The following KCNQ4 variants were observed in gnomAD, a reference collection of about 807,000 sequenced individuals.
KCNQ4 encodes the protein potassium voltage-gated channel subfamily KQT member 4.
In KCNQ4, 31 loss-of-function variants were observed where a neutral mutation model predicts 72.6. That is an observed-to-expected ratio of 0.43 (90% CI 0.32 to 0.58). KCNQ4 has a LOEUF of 0.58. Ranked by LOEUF, KCNQ4 falls within the 20% of genes least tolerant of loss-of-function variation. KCNQ4 has a pLI of 0.08. For missense variants in KCNQ4, 869 were observed against 962.6 expected (o/e 0.90, Z 1.29); for synonymous variants, 405 against 403.7 (o/e 1.00, Z -0.04).
rs563247707 is a variant in KCNQ4 at position 40,820,064 on chromosome 1, G to T, written c.945+79G>T. 18 of 1,536,734 alleles carry T rather than the reference G, an allele frequency of 1.2e-5. No homozygotes were observed. The South Asian group carries it at 1.3e-4, about 12-fold the overall frequency. On this transcript the variant is annotated intron_variant, in intron 6 of 13. Coordinates refer to ENST00000347132, the MANE Select transcript of KCNQ4 (RefSeq NM_004700.4). Reference sequence around the variant, plus strand: ...CCCCTGTCACACATTTGCCTGGGGAGCCTGGGGTACCTCAGAGGGGCAAGG... The same window carrying T: ...CCCCTGTCACACATTTGCCTGGGGATCCTGGGGTACCTCAGAGGGGCAAGG...
chr1:40,834,822 TG>T, intron 11 of KCNQ4, 144 bp from the exon 12 acceptor site: 1 of 1,049,650 alleles, frequency 9.5e-7, no homozygotes, highest in Non-Finnish European at 1.4e-6. Context: ...TAGGGGAGGC[TG>T]GGAGACGCAG....
At chr1:40,825,497 C>T (rs1350892809) in intron 9 of KCNQ4, among the ~76,000 whole-genome samples, 1 of 152,054 alleles carries the variant, frequency 6.6e-6, no homozygotes, top group Non-Finnish European at 1.5e-5. Flanking sequence ...CAGGGAGCAG[C>T]CTCCCTTCCT....
intron 9 of KCNQ4, among the ~76,000 whole-genome samples, chr1:40,829,241 G>C (rs1648567906): frequency 6.6e-6 from 1 of 152,206 alleles, no homozygotes; most frequent in African/African-American, 2.4e-5. Context: ...GCACGGACCG[G>C]GCAGGGTGGA....
At chr1:40,792,603 C>T (rs543356287) in intron 1 of KCNQ4, among the ~76,000 whole-genome samples, 2 of 152,230 alleles carry the variant, frequency 1.3e-5, no homozygotes, top group South Asian at 2.1e-4. Flanking sequence ...CCCTGCTGCC[C>T]GTTCCCTGGG....
chr1:40,811,696 A>G (rs1274390120), intron 1 of KCNQ4, among the ~76,000 whole-genome samples: 1 of 152,162 alleles, frequency 6.6e-6, no homozygotes, highest in Non-Finnish European at 1.5e-5. Flanking sequence ...TTGTGATCAG[A>G]CCAGCTGGGG....
rs553396463 is a variant in KCNQ4, at chr1:40,839,395, C to T, written c.*872C>T. ...AGTGCTTCGTGGACGATCGCACAAA[C>T]ATAGCCTTTTAGTTTCTCCAGACAG... On this transcript the variant is annotated 3_prime_UTR_variant, in exon 14 of 14. Coordinates refer to ENST00000347132, the MANE Select transcript of KCNQ4 (RefSeq NM_004700.4). 6.6e-6 allele frequency: 1 copy of T among 152,490 alleles called. No individual in the cohort carries two copies. Among genetic ancestry groups the T allele is most frequent in the Admixed American group, 6.5e-5 (1 of 15,304 alleles). 9.4% of individuals were successfully genotyped at this position (152,490 alleles called of 1,614,324 possible).
rs1648156729 is a variant in KCNQ4 at position 40,818,188 on chromosome 1, G to C, written c.430G>C (p.Gly144Arg). Reference protein sequence around the residue: ...ILEFVMIVVFGLEYIVRVWSA... With the variant: ...ILEFVMIVVFRLEYIVRVWSA... ...GGAATTCGTGATGATCGTGGTTTTC[G>C]GCTTGGAGTACATCGTCCGGGTCTG... Residue 144 changes from glycine (G) to arginine (R), a missense_variant, in exon 3 of 14, where the codon GGC (glycine) becomes CGC (arginine). Physicochemically the swap from Gly to Arg is moderately radical, Grantham distance 125. Coordinates refer to ENST00000347132, the MANE Select transcript of KCNQ4 (RefSeq NM_004700.4). 6.2e-7 allele frequency: 1 copy of C among 1,613,874 alleles called. No homozygotes were observed. The highest frequency in any genetic ancestry group is 8.5e-7 in the Non-Finnish European group (1 of 1,180,040).
intron 11 of KCNQ4, among the ~76,000 whole-genome samples, chr1:40,833,748 C>A (rs913379): frequency 0.71 from 107,045 of 151,184 alleles, 38,040 homozygotes; most frequent in East Asian, 0.83. Flanking sequence ...TGTAATCCCA[C>A]CACTTTGGGA....
intron 8 of KCNQ4, among the ~76,000 whole-genome samples, chr1:40,823,430 G>C (rs181531735): frequency 1.3e-5 from 2 of 152,300 alleles, no homozygotes; most frequent in Admixed American, 1.3e-4. Flanking sequence ...GGAAGATCTG[G>C]GGGTGGGGGT....
intron 1 of KCNQ4, among the ~76,000 whole-genome samples, chr1:40,786,776 C>T (rs1453672481): frequency 6.6e-6 from 1 of 152,164 alleles, no homozygotes; most frequent in Non-Finnish European, 1.5e-5. Flanking sequence ...TTGGTAAGCT[C>T]CAGGGGCCTG....
Position 40,831,137 on chromosome 1 carries a change from C to T in KCNQ4, c.1346C>T (p.Thr449Met), listed in dbSNP as rs371267877. 32 of 1,610,372 alleles carry T rather than the reference C, an allele frequency of 2.0e-5. 1 individual carries two copies. The highest frequency in any genetic ancestry group is 7.7e-5 in the South Asian group (7 of 90,418). The change falls in exon 10 of 14, where the codon ACG (threonine) becomes ATG (methionine). Residue 449 changes from threonine to methionine, a missense_variant. Transcript: ENST00000347132. The stretch of plus-strand genomic sequence containing the variant: ...CGCATGGGCAGCTCCCAGCGGCGGA[C>T]GGGTCCTTCCAAGCAGCATCTGGCA... ...RIRMGSSQRR[T>M]GPSKQHLAPP...
intron 1 of KCNQ4, among the ~76,000 whole-genome samples, chr1:40,795,308 C>G (rs558329296): frequency 1.4e-5 from 2 of 143,012 alleles, no homozygotes; most frequent in African/African-American, 5.2e-5. Context: ...TTCACCCAGG[C>G]TGGAAGGCAG....
chr1:40,831,638 T>C (rs1340980195), intron 10 of KCNQ4, among the ~76,000 whole-genome samples: 1 of 152,242 alleles, frequency 6.6e-6, no homozygotes, highest in African/African-American at 2.4e-5. Flanking sequence ...TTCTCCTCAT[T>C]CATAAAATGG....
chr1:40,823,630 G>C (rs1025561545), intron 8 of KCNQ4, among the ~76,000 whole-genome samples: 4 of 152,186 alleles, frequency 2.6e-5, no homozygotes, highest in Non-Finnish European at 5.9e-5. Context: ...AAGAAGCCAC[G>C]GTCCCGAATC....
intron 1 of KCNQ4, among the ~76,000 whole-genome samples, chr1:40,787,587 G>A (rs7551296): frequency 0.039 from 5,990 of 152,208 alleles, 131 homozygotes; most frequent in South Asian, 0.094. Flanking sequence ...GGGAAGAGAG[G>A]ACTGCTGACT....
rs199724440 is a variant in KCNQ4 at position 40,820,173 on chromosome 1, A to G, written c.954A>G (p.Leu318=). 9 of 1,607,936 alleles carry G rather than the reference A, an allele frequency of 5.6e-6. No homozygotes were observed. The African/African-American group carries it at 1.1e-4, about 19-fold the overall frequency. ...ATGCCCTATCCCTCTAGGGCATCCT[A>G]GGCTCCGGCTTTGCCCTGAAGGTCC... The part of the protein sequence containing the change: ...ISFFALPAGI[L]GSGFALKVQE... Residue 318 remains leucine (L), a synonymous_variant, in exon 7 of 14, where the codon CTA becomes CTG. Coordinates refer to ENST00000347132, the MANE Select transcript of KCNQ4 (RefSeq NM_004700.4).
intron 2 of KCNQ4, 89 bp from the exon 3 acceptor site, chr1:40,818,075 A>G: frequency 6.4e-7 from 1 of 1,570,842 alleles, no homozygotes. Context: ...TGGTCCCCCT[A>G]ACCCAGGGAC....
intron 1 of KCNQ4, among the ~76,000 whole-genome samples, chr1:40,797,176 G>A (rs777689334): frequency 6.3e-4 from 96 of 152,334 alleles, no homozygotes; most frequent in Non-Finnish European, 5.9e-4. Context: ...ACCAGGCAGG[G>A]TGATAAGTGC....
chr1:40,784,153 C>A lies in KCNQ4; in HGVS notation c.60C>A (p.Arg20=). ...GTCCCCCGCCCGGGGACGCCCCCCG[C>A]GCGGAGCTAGTGGCGCTCACGGCCG... ...GLGPPPGDAP[R]AELVALTAVQ... The change falls in exon 1 of 14, where the codon CGC becomes CGA. Residue 20 remains arginine (R), a synonymous_variant. Transcript: ENST00000347132. The surrounding 1 kb of genome is among the most constrained non-coding windows in gnomAD (Gnocchi z 4.1). The A allele has an allele frequency of 9.5e-7, 1 of 1,057,118 alleles. No homozygotes were observed. Among genetic ancestry groups the A allele is most frequent in the Non-Finnish European group, 1.2e-6 (1 of 864,794 alleles). 65.5% of individuals were successfully genotyped at this position (1,057,118 alleles called of 1,614,324 possible). A position where few individuals can be genotyped will look rare whatever the true frequency, so the allele number is the denominator to read the frequency against.
Sources: gnomAD v4.1 joint callset for allele counts (sites outside exome capture counted in the v4.1 genomes callset) on GRCh38, gnomAD v4.1.1 for gene constraint, Gnocchi (gnomAD v3.1) non-coding constraint, MANE v1.5 for transcripts, NCBI Gene and HGNC (gene_info 2026-07-23, HGNC 2026-07-21) for gene names.